Variants in SLIT2 observed in about 807,000 individuals in gnomAD.
The protein encoded by SLIT2 is slit guidance ligand 2.
A neutral mutation model predicts 185.7 loss-of-function variants in SLIT2; 41 were observed. That is an observed-to-expected ratio of 0.22 (90% CI 0.17 to 0.29). The LOEUF is 0.29. SLIT2 is among the 10% of genes least tolerant of loss of function. SLIT2 has a pLI of 1.00. For synonymous variants in SLIT2, 693 were observed against 680.2 expected, an observed-to-expected ratio of 1.02 and a Z score of -0.29; for missense variants, 1,571 against 1,909.0, an observed-to-expected ratio of 0.82 and a Z score of 3.30.
At chr4:20,540,512 T>C (rs1722712322) in intron 19 of SLIT2, among the ~76,000 whole-genome samples, 1 of 151,840 alleles carries the variant, frequency 6.6e-6, no homozygotes, top group African/African-American at 2.4e-5. Context: ...AATAAATAAA[T>C]AAAATTTAAA....
At chr4:20,536,400 A>G (rs1329258625) in intron 18 of SLIT2, among the ~76,000 whole-genome samples, 1 of 152,104 alleles carries the variant, frequency 6.6e-6, no homozygotes, top group Non-Finnish European at 1.5e-5. Flanking sequence ...CTACTAAAAA[A>G]TACAAAAATT....
chr4:20,329,022 T>A (rs1410515203), intron 4 of SLIT2, among the ~76,000 whole-genome samples: 6 of 152,028 alleles, frequency 3.9e-5, no homozygotes, highest in Non-Finnish European at 8.8e-5. Context: ...AGCTGGAGAA[T>A]AGGACAGAAT....
chr4:20,496,223 G>T (rs1475181284), intron 9 of SLIT2, among the ~76,000 whole-genome samples: 1 of 151,904 alleles, frequency 6.6e-6, no homozygotes, highest in Non-Finnish European at 1.5e-5. Context: ...CATTTTTTCT[G>T]CTTTCTGTTT....
At chr4:20,438,470 T>G (rs990507885) in intron 4 of SLIT2, among the ~76,000 whole-genome samples, 1 of 152,068 alleles carries the variant, frequency 6.6e-6, no homozygotes, top group African/African-American at 2.4e-5. Flanking sequence ...TTCACAATCA[T>G]GAAAACAGTA....
chr4:20,439,399 A>G (rs970744628), intron 4 of SLIT2, among the ~76,000 whole-genome samples: 1 of 152,166 alleles, frequency 6.6e-6, no homozygotes, highest in East Asian at 1.9e-4. Context: ...ACTCTGTCCT[A>G]TGCCTCTCTC....
At chr4:20,282,819 G>T (rs1332627077) in intron 4 of SLIT2, among the ~76,000 whole-genome samples, 1 of 152,130 alleles carries the variant, frequency 6.6e-6, no homozygotes, top group Non-Finnish European at 1.5e-5. Context: ...CTTTTCCAAT[G>T]AATAGTTACT....
chr4:20,349,110 A>G (rs1721663813), intron 4 of SLIT2, among the ~76,000 whole-genome samples: 1 of 152,196 alleles, frequency 6.6e-6, no homozygotes, highest in South Asian at 2.1e-4. Flanking sequence ...GATATCTATT[A>G]CATATAGGAA....
intron 4 of SLIT2, among the ~76,000 whole-genome samples, chr4:20,309,643 T>C (rs549818115): frequency 3.9e-5 from 6 of 152,066 alleles, no homozygotes; most frequent in Non-Finnish European, 8.8e-5. Flanking sequence ...CTATATCTAA[T>C]ACCTGATCTT....
At chr4:20,383,495 A>T (rs1724694248) in intron 4 of SLIT2, among the ~76,000 whole-genome samples, 1 of 152,178 alleles carries the variant, frequency 6.6e-6, no homozygotes, top group African/African-American at 2.4e-5. Flanking sequence ...AGGAAAATGA[A>T]AGTTACAAAT....
In SLIT2 at chr4:20,417,436, G is replaced by GTATATATATATATATATATA. The variant is rs367855245; in HGVS notation, c.396-50313_396-50294dup. Among the ~76,000 whole-genome samples the GTATATATATATATATATATA allele has an allele frequency of 9.0e-3, 1,105 of 123,410 alleles. 18 individuals carry two copies. The highest frequency in any genetic ancestry group is 0.011 in the African/African-American group (385 of 34,536). 81.0% of individuals were successfully genotyped at this position (123,410 alleles called of 152,430 possible). On this transcript the variant is annotated intron_variant, in intron 4 of 36. Coordinates refer to ENST00000504154, the MANE Select transcript of SLIT2 (RefSeq NM_004787.4). ...CGCAATCATATATATATGTGTGTGT[G>GTATATATATATATATATATA]TATATATATATATATATATATACGT...
Position 20,567,603 on chromosome 4 carries a change from A to T in SLIT2, c.2936A>T (p.Glu979Val), listed in dbSNP as rs1191796888. The part of the protein sequence containing the change: ...GGTCHLKEGE[E>V]DGFWCICADG... Reference sequence around the variant, plus strand: ...ACTTGCCACTTAAAGGAAGGAGAAGAAGATGGATTCTGGTAGGTCATTAGT... The same window carrying T: ...ACTTGCCACTTAAAGGAAGGAGAAGTAGATGGATTCTGGTAGGTCATTAGT... The change falls in exon 28 of 37, where the codon GAA becomes GTA. Residue 979 changes from glutamate (E) to valine (V), a missense_variant. By Grantham distance (121) the Glu-to-Val change is moderately radical. Coordinates refer to ENST00000504154, the MANE Select transcript of SLIT2 (RefSeq NM_004787.4). The T allele has an allele frequency of 6.2e-7, 1 of 1,612,296 alleles. No homozygotes were observed. Among genetic ancestry groups the T allele is most frequent in the Non-Finnish European group, 8.5e-7 (1 of 1,178,518 alleles).
At chr4:20,403,268 C>T (rs1258880208) in intron 4 of SLIT2, among the ~76,000 whole-genome samples, 1 of 151,858 alleles carries the variant, frequency 6.6e-6, no homozygotes, top group Non-Finnish European at 1.5e-5. Context: ...GGCAATGCTG[C>T]TTTTATTTTG....
At chr4:20,305,921 A>C (rs1048336148) in intron 4 of SLIT2, among the ~76,000 whole-genome samples, 14 of 134,134 alleles carry the variant, frequency 1.0e-4, no homozygotes, top group East Asian at 2.3e-4. Flanking sequence ...TAATAATAAT[A>C]ATCCTAAAGA....
At chr4:20,455,935 AT>A (rs1050788837) in intron 4 of SLIT2, among the ~76,000 whole-genome samples, 1 of 152,106 alleles carries the variant, frequency 6.6e-6, no homozygotes, top group African/African-American at 2.4e-5. Context: ...AGTTGAACAC[AT>A]TTTTTATCAT....
chr4:20,366,144 C>G (rs988512765), intron 4 of SLIT2, among the ~76,000 whole-genome samples: 1 of 152,038 alleles, frequency 6.6e-6, no homozygotes, highest in Non-Finnish European at 1.5e-5. Flanking sequence ...TTAATCTCAT[C>G]CATCCTCCCT....
chr4:20,431,371 A>C (rs940759883), intron 4 of SLIT2, among the ~76,000 whole-genome samples: 1 of 152,056 alleles, frequency 6.6e-6, no homozygotes, highest in Non-Finnish European at 1.5e-5. Context: ...TTTAAAGTAA[A>C]TATTTGTGTT....
intron 4 of SLIT2, among the ~76,000 whole-genome samples, chr4:20,386,708 C>T (rs1291028560): frequency 6.6e-6 from 1 of 152,104 alleles, no homozygotes; most frequent in South Asian, 2.1e-4. Flanking sequence ...GATTCCAAGG[C>T]ATACTCTAGA....
chr4:20,553,994 C>A (rs374302699), intron 26 of SLIT2, 26 bp downstream of exon 26: 63 of 1,536,516 alleles, frequency 4.1e-5, no homozygotes, highest in Non-Finnish European at 5.3e-5. Flanking sequence ...ATTTGTATTT[C>A]TTTTAAGAAT....
chr4:20,322,708 G>A (rs1363628408), intron 4 of SLIT2, among the ~76,000 whole-genome samples: 1 of 152,026 alleles, frequency 6.6e-6, no homozygotes, highest in Middle Eastern at 3.2e-3. Flanking sequence ...TATGTCTTAT[G>A]CCCCAAAATA....
Sources: allele counts gnomAD v4.1 joint callset (sites outside exome capture counted in the v4.1 genomes callset), GRCh38; gene constraint gnomAD v4.1.1; transcripts MANE v1.5; gene names NCBI Gene and HGNC (gene_info 2026-07-23, HGNC 2026-07-21).